The following DLG2 variants were observed in gnomAD, a reference collection of about 807,000 sequenced individuals.
DLG2 encodes the protein discs large MAGUK scaffold protein 2, also known as disks large homolog 2.
A neutral mutation model predicts 132.5 loss-of-function variants in DLG2; 45 were observed. The observed-to-expected ratio is 0.34, with a 90% CI of 0.27 to 0.44. The LOEUF is 0.44. Ranked by LOEUF, DLG2 falls within the 20% of genes least tolerant of loss-of-function variation. The probability of loss-of-function intolerance (pLI) is 1.00; values close to 1 mark genes in which losing one functional copy is unlikely to be tolerated. For synonymous variants in DLG2, 424 were observed against 419.6 expected (o/e 1.01, Z -0.13); for missense variants, 1,045 against 1,196.9 (o/e 0.87, Z 1.87).
chr11:83,799,886 G>A (rs935167028), intron 17 of DLG2, among the ~76,000 whole-genome samples: 21 of 152,330 alleles, frequency 1.4e-4, no homozygotes, highest in African/African-American at 4.8e-4. Context: ...CCTGTGGTCA[G>A]TACCCTGGTC....
chr11:85,116,237 A>G (rs991107848), intron 5 of DLG2, among the ~76,000 whole-genome samples: 23 of 151,710 alleles, frequency 1.5e-4, no homozygotes, highest in African/African-American at 5.6e-4. Flanking sequence ...AATTAATTTT[A>G]TGAGCTAATT....
At chr11:84,536,032 T>C (rs995570377) in intron 6 of DLG2, among the ~76,000 whole-genome samples, 1 of 151,790 alleles carries the variant, frequency 6.6e-6, no homozygotes, top group East Asian at 1.9e-4. Context: ...ACTCCAGGGA[T>C]GGTAATTCAA....
intron 13 of DLG2, among the ~76,000 whole-genome samples, chr11:83,964,767 C>A (rs574727014): frequency 6.6e-6 from 1 of 152,098 alleles, no homozygotes; most frequent in East Asian, 1.9e-4. Context: ...GCAGAAGTCC[C>A]ACTTCCAGCT....
At chr11:84,146,079 A>G (rs1397556344) in intron 9 of DLG2, among the ~76,000 whole-genome samples, 1 of 152,176 alleles carries the variant, frequency 6.6e-6, no homozygotes, top group African/African-American at 2.4e-5. Flanking sequence ...GGAGACCTAA[A>G]TTTGCAGACC....
intron 21 of DLG2, among the ~76,000 whole-genome samples, chr11:83,531,474 T>C (rs545944980): frequency 1.3e-5 from 2 of 152,042 alleles, no homozygotes; most frequent in South Asian, 4.1e-4. Flanking sequence ...TCGTACCAAC[T>C]AAGATGGCTG....
intron 18 of DLG2, among the ~76,000 whole-genome samples, chr11:83,667,672 A>G (rs1332146061): frequency 1.3e-5 from 2 of 152,086 alleles, no homozygotes; most frequent in African/African-American, 4.8e-5. Flanking sequence ...TCTTGCTACT[A>G]ATCATGTACA....
Position 84,725,998 on chromosome 11 carries a change from C to T in DLG2, c.358-191267G>A, listed in dbSNP as rs1440007325. 2.6e-5 allele frequency among the ~76,000 whole-genome samples: 4 copies of T among 152,178 alleles called. No individual in the cohort carries two copies. The South Asian group carries it at 8.3e-4, about 32-fold the overall frequency. On this transcript the variant is annotated intron_variant, in intron 6 of 27. Coordinates refer to ENST00000376104, the MANE Select transcript of DLG2 (RefSeq NM_001142699.3). ...TCCTTAGACCCTTTCTCAGCTCTTC[C>T]ATACTCCTCTTACTGAAGAACACAC...
At chr11:83,985,444 A>C (rs1248154044) in intron 11 of DLG2, among the ~76,000 whole-genome samples, 2 of 152,056 alleles carry the variant, frequency 1.3e-5, no homozygotes, top group African/African-American at 4.8e-5. Context: ...TGCAAAGATC[A>C]ACCCATCAAT....
At position 83,613,916 on chromosome 11, in the gene DLG2, TGAGACATCAA is replaced by T. The variant is rs1423084284; in HGVS notation, c.1940+19285_1940+19294del. Among the ~76,000 whole-genome samples, 3 of 152,138 alleles carry T rather than the reference TGAGACATCAA, an allele frequency of 2.0e-5. No individual in the cohort carries two copies. In the East Asian group the frequency reaches 5.8e-4, roughly 29 times the overall value. On this transcript the variant is annotated intron_variant, in intron 19 of 27. Coordinates refer to ENST00000376104, the MANE Select transcript of DLG2 (RefSeq NM_001142699.3). ...GATTTAGAGTAGGTCTGGGCTGGGG[TGAGACATCAA>T]GGTTTTGAAGAGCTCTACAGGTGCT...
At chr11:84,789,731 C>T (rs2073513038) in intron 6 of DLG2, among the ~76,000 whole-genome samples, 1 of 152,094 alleles carries the variant, frequency 6.6e-6, no homozygotes, top group Non-Finnish European at 1.5e-5. Context: ...ACCCTCACTA[C>T]CCTTCCCAGT....
At chr11:84,962,639 T>A (rs946686141) in intron 6 of DLG2, among the ~76,000 whole-genome samples, 1 of 152,218 alleles carries the variant, frequency 6.6e-6, no homozygotes, top group African/African-American at 2.4e-5. Flanking sequence ...CTTAGCCCAC[T>A]GCAAGGCACA....
chr11:85,304,373 C>A (rs553848580), intron 3 of DLG2, among the ~76,000 whole-genome samples: 1 of 152,080 alleles, frequency 6.6e-6, no homozygotes, highest in South Asian at 2.1e-4. Context: ...AACCACAAAG[C>A]AAAGAAAAGC....
rs552737768 is a variant in DLG2 at position 85,152,111 on chromosome 11, CA to C, written c.282+2444del. On this transcript the variant is annotated intron_variant, in intron 5 of 27. Coordinates refer to ENST00000376104, the MANE Select transcript of DLG2 (RefSeq NM_001142699.3). ...TTAATTAGAAGGTGCAGCTATTTAA[CA>C]GAGTATAAATATACACTATAGCCTA... Among the ~76,000 whole-genome samples, 583 of 152,174 alleles carry C rather than the reference CA, an allele frequency of 3.8e-3. 2 individuals are homozygous for C. The highest frequency in any genetic ancestry group is 6.6e-3 in the Non-Finnish European group (449 of 68,000).
At chr11:85,551,542 CTA>C (rs1383728616) in intron 3 of DLG2, among the ~76,000 whole-genome samples, 1 of 151,786 alleles carries the variant, frequency 6.6e-6, no homozygotes, top group Admixed American at 6.6e-5. Context: ...TCCTTTATAA[CTA>C]TTAAATTAAT....
In DLG2 at chr11:84,403,156, G is replaced by T. The variant is rs60324055; in HGVS notation, c.519+131414C>A. Among the ~76,000 whole-genome samples the T allele has an allele frequency of 1.7e-3, 255 of 152,140 alleles. 2 individuals carry two copies. Among genetic ancestry groups the T allele is most frequent in the African/African-American group, 5.6e-3 (231 of 41,488 alleles). On this transcript the variant is annotated intron_variant, in intron 7 of 27. Transcript: ENST00000376104. ...TTCAGTTGATTGCTAATAGAACATGGAGATAATTGTTAGTAGGTTAACATT... is the reference window on the plus strand; with the variant it reads ...TTCAGTTGATTGCTAATAGAACATGTAGATAATTGTTAGTAGGTTAACATT...
chr11:84,129,511 A>G (rs2094323511), intron 9 of DLG2, among the ~76,000 whole-genome samples: 2 of 152,112 alleles, frequency 1.3e-5, no homozygotes, highest in African/African-American at 4.8e-5. Flanking sequence ...TTCAAATGAT[A>G]TATTCCAAAG....
At chr11:84,973,198 A>T (rs946202051) in intron 6 of DLG2, among the ~76,000 whole-genome samples, 3 of 152,058 alleles carry the variant, frequency 2.0e-5, no homozygotes, top group Non-Finnish European at 4.4e-5. Flanking sequence ...ACCTCAGGTG[A>T]TCTGCCTGCC....
intron 7 of DLG2, among the ~76,000 whole-genome samples, chr11:84,307,895 G>GC (rs1313915024): frequency 6.6e-6 from 1 of 151,960 alleles, no homozygotes; most frequent in Non-Finnish European, 1.5e-5. Flanking sequence ...TTAAGGCGGC[G>GC]CGTCTGGAGT....
chr11:83,758,478 A>G (rs1277968138), intron 18 of DLG2, among the ~76,000 whole-genome samples: 1 of 152,160 alleles, frequency 6.6e-6, no homozygotes, highest in Non-Finnish European at 1.5e-5. Context: ...ATCGAAATCT[A>G]TGAGACTTCG....
Sources: allele counts gnomAD v4.1 joint callset (sites outside exome capture counted in the v4.1 genomes callset), GRCh38; gene constraint gnomAD v4.1.1; transcripts MANE v1.5; gene names NCBI Gene and HGNC (gene_info 2026-07-23, HGNC 2026-07-21).